RIPK1: variants seen among roughly 807,000 people sequenced by gnomAD.
The protein encoded by RIPK1 is receptor-interacting serine/threonine-protein kinase 1.
RIPK1 carries 27 observed loss-of-function variants against 62.4 expected under a neutral mutation model. That is an observed-to-expected ratio of 0.43 (90% confidence interval 0.32 to 0.60). The LOEUF (loss-of-function observed/expected upper bound fraction) is 0.60. RIPK1 is among the 20% of genes least tolerant of loss of function. The pLI, the probability that RIPK1 is intolerant of heterozygous loss-of-function variation, is 0.07. For missense variants in RIPK1, 735 were observed against 831.0 expected, an observed-to-expected ratio of 0.88 and a Z score of 1.42; for synonymous variants, 287 against 303.2, an observed-to-expected ratio of 0.95 and a Z score of 0.55.
chr6:3,087,796 C>T (rs1759805633), intron 6 of RIPK1, among the ~76,000 whole-genome samples: 1 of 39,488 alleles, frequency 2.5e-5, no homozygotes, highest in Non-Finnish European at 1.8e-4. Flanking sequence ...GCCTCGGCCT[C>T]CCAAAGTGTG....
intron 1 of RIPK1, among the ~76,000 whole-genome samples, chr6:3,070,946 T>G (rs1214183194): frequency 1.3e-5 from 2 of 152,226 alleles, no homozygotes; most frequent in East Asian, 3.8e-4. Context: ...ATCCTACCAC[T>G]TTAGGTGAAT....
At position 3,077,845 on chromosome 6, in the gene RIPK1, G is replaced by A; in HGVS notation, c.231G>A (p.Lys77=). The A allele has an allele frequency of 6.2e-7, 1 of 1,614,240 alleles. No homozygotes were observed. Among genetic ancestry groups the A allele is most frequent in the East Asian group, 2.2e-5 (1 of 44,880 alleles). The part of the protein sequence containing the change: ...MNRLRHSRVV[K]LLGVIIEEGK... Reference sequence around the variant, plus strand: ...GACTGAGACACAGCCGGGTGGTGAAGCTCCTGGGCGTCATCATAGAGGAAG... The same window carrying A: ...GACTGAGACACAGCCGGGTGGTGAAACTCCTGGGCGTCATCATAGAGGAAG... Residue 77 remains lysine (K), a synonymous_variant, in exon 3 of 11, where the codon AAG becomes AAA. Transcript: ENST00000259808.
chr6:3,112,046 G>C (rs1761186619), intron 10 of RIPK1, among the ~76,000 whole-genome samples: 2 of 152,056 alleles, frequency 1.3e-5, no homozygotes, highest in Non-Finnish European at 2.9e-5. Context: ...ATTTTCATTT[G>C]TTTCCTTTTA....
In RIPK1 at chr6:3,089,595, T is replaced by C. The variant is rs1332044522; in HGVS notation, c.853T>C (p.Phe285Leu). ...RPTFPGIEEK[F>L]RPFYLSQLEE... ...TACTTTTACAGGCATTGAAGAAAAATTTAGGCCTTTTTATTTAAGTCAATT... is the reference window on the plus strand; with the variant it reads ...TACTTTTACAGGCATTGAAGAAAAACTTAGGCCTTTTTATTTAAGTCAATT... The change falls in exon 7 of 11, where the codon TTT becomes CTT. Residue 285 changes from phenylalanine (F) to leucine (L), a missense_variant. Coordinates refer to ENST00000259808, the MANE Select transcript of RIPK1 (RefSeq NM_001354930.2). 3.3e-6 allele frequency: 5 copies of C among 1,538,216 alleles called. No individual in the cohort carries two copies. The highest frequency in any genetic ancestry group is 1.7e-5 in the Admixed American group (1 of 57,938).
intron 1 of RIPK1, among the ~76,000 whole-genome samples, chr6:3,069,740 G>A (rs189481760): frequency 1.4e-4 from 22 of 152,316 alleles, no homozygotes; most frequent in African/African-American, 5.3e-4. Flanking sequence ...CGTCGGGCAC[G>A]GTGGCTCACT....
intron 1 of RIPK1, among the ~76,000 whole-genome samples, chr6:3,069,097 T>G (rs1758553301): frequency 1.3e-5 from 2 of 152,246 alleles, no homozygotes; most frequent in South Asian, 4.1e-4. Context: ...GGCGGAGACC[T>G]GCCTTTGGGC....
intron 6 of RIPK1, among the ~76,000 whole-genome samples, chr6:3,087,792 G>A (rs1250663641): frequency 4.8e-5 from 2 of 41,940 alleles, no homozygotes; most frequent in South Asian, 6.8e-4. Context: ...GCCCGCCTCG[G>A]CCTCCCAAAG....
chr6:3,087,710 T>C (rs1160080687), intron 6 of RIPK1, among the ~76,000 whole-genome samples: 2 of 152,008 alleles, frequency 1.3e-5, no homozygotes, highest in African/African-American at 4.8e-5. Context: ...TGGCTAATTT[T>C]TTGTATTTTT....
chr6:3,104,830 C>G lies in RIPK1; in HGVS notation c.1006+515C>G, dbSNP rs189606337. Among the ~76,000 whole-genome samples the G allele has an allele frequency of 9.8e-4, 149 of 152,216 alleles. 1 individual carries two copies. Among genetic ancestry groups the G allele is most frequent in the African/African-American group, 3.5e-3 (147 of 41,532 alleles). On this transcript the variant is annotated intron_variant, in intron 8 of 10. Transcript: ENST00000259808. ...AGGGCTCTTCAAGAATGAAAGAATT[C>G]ATGGGACATGCTTAGGACAGAGCTG...
chr6:3,071,208 G>A (rs1758693725), intron 1 of RIPK1, among the ~76,000 whole-genome samples: 1 of 152,160 alleles, frequency 6.6e-6, no homozygotes, highest in Non-Finnish European at 1.5e-5. Flanking sequence ...GAAGAAAGGG[G>A]GCAATGGCAG....
upstream of RIPK1, chr6:3,068,412 A>G (rs563336169): frequency 5.1e-6 from 5 of 985,440 alleles, no homozygotes; most frequent in African/African-American, 8.7e-5. Context: ...CCCGGGCGCG[A>G]GGTCCCACGA....
intron 10 of RIPK1, 35 bp downstream of exon 10, chr6:3,110,990 C>T: frequency 1.3e-6 from 2 of 1,494,028 alleles, no homozygotes; most frequent in Non-Finnish European, 1.8e-6. Flanking sequence ...CGCCTAGCAA[C>T]CTTGAACTTT....
intron 6 of RIPK1, among the ~76,000 whole-genome samples, chr6:3,087,774 T>A (rs112122807): frequency 1.6e-5 from 2 of 124,454 alleles, no homozygotes; most frequent in Non-Finnish European, 3.6e-5. Flanking sequence ...CTCCTGACCT[T>A]GTGATCAGCC....
At chr6:3,086,379 A>C (rs1378089472) in intron 6 of RIPK1, among the ~76,000 whole-genome samples, 1 of 152,200 alleles carries the variant, frequency 6.6e-6, no homozygotes, top group African/African-American at 2.4e-5. Context: ...ACATTTTCCC[A>C]GAGGGGCTGT....
chr6:3,080,879 C>G (rs760423519), intron 3 of RIPK1, 100 bp from the exon 4 acceptor site: 12 of 1,178,920 alleles, frequency 1.0e-5, no homozygotes, highest in Non-Finnish European at 1.5e-5. Context: ...ACCTGGTAAC[C>G]TTCTCCTCAG....
chr6:3,102,229 A>G (rs947277882), intron 7 of RIPK1, among the ~76,000 whole-genome samples: 1 of 152,230 alleles, frequency 6.6e-6, no homozygotes, highest in Non-Finnish European at 1.5e-5. Flanking sequence ...TTTGAGTGCC[A>G]GCATGATGCC....
chr6:3,084,633 C>T (rs917674263), intron 5 of RIPK1, among the ~76,000 whole-genome samples: 20 of 142,496 alleles, frequency 1.4e-4, no homozygotes, highest in Non-Finnish European at 2.0e-4. Flanking sequence ...CTCATTCTGT[C>T]GCCAGGTTGG....
intron 7 of RIPK1, among the ~76,000 whole-genome samples, chr6:3,090,420 A>G (rs1197725926): frequency 6.6e-6 from 1 of 152,204 alleles, no homozygotes; most frequent in East Asian, 1.9e-4. Flanking sequence ...TAAAAAAGAG[A>G]TTAGAATCAG....
intron 7 of RIPK1, among the ~76,000 whole-genome samples, chr6:3,098,827 C>T (rs186788308): frequency 3.9e-5 from 6 of 152,316 alleles, no homozygotes; most frequent in Admixed American, 2.6e-4. Context: ...AGGAAGAAGT[C>T]AGAAGGCAAC....
Sources: gnomAD v4.1 joint callset for allele counts (sites outside exome capture counted in the v4.1 genomes callset) on GRCh38, gnomAD v4.1.1 for gene constraint, MANE v1.5 for transcripts, NCBI Gene and HGNC (gene_info 2026-07-23, HGNC 2026-07-21) for gene names.